Variants in CRPPA observed in about 807,000 individuals in gnomAD.
The protein encoded by CRPPA is D-ribitol-5-phosphate cytidylyltransferase.
Under a neutral mutation model 52.0 loss-of-function variants are expected in CRPPA, and 43 were observed. That is an observed-to-expected ratio of 0.83 (90% CI 0.65 to 1.07). The LOEUF is 1.07. Among genes scored for constraint, CRPPA ranks in the 50% least tolerant of loss-of-function variants. The probability of loss-of-function intolerance (pLI) is 0.00; values close to 1 mark genes in which losing one functional copy is unlikely to be tolerated. For missense variants in CRPPA, 629 were observed against 551.7 expected (o/e 1.14, Z -1.40); for synonymous variants, 250 against 203.5 (o/e 1.23, Z -1.94).
chr7:16,146,247 C>G (rs1782972876), intron 9 of CRPPA, among the ~76,000 whole-genome samples: 1 of 151,132 alleles, frequency 6.6e-6, no homozygotes, highest in Non-Finnish European at 1.5e-5. Flanking sequence ...TTATATGCAG[C>G]AAAGCTGTCA....
intron 9 of CRPPA, among the ~76,000 whole-genome samples, chr7:16,149,733 C>T (rs1783039107): frequency 6.6e-6 from 1 of 152,138 alleles, no homozygotes; most frequent in Non-Finnish European, 1.5e-5. Flanking sequence ...CGCCTGTAAT[C>T]CCAGCAATTT....
intron 5 of CRPPA, among the ~76,000 whole-genome samples, chr7:16,286,441 CT>C (rs1784450499): frequency 6.6e-6 from 1 of 151,952 alleles, no homozygotes. Flanking sequence ...CTCTGTAGAA[CT>C]TACACGGGCA....
intron 3 of CRPPA, among the ~76,000 whole-genome samples, chr7:16,375,147 G>A (rs1786848484): frequency 6.6e-6 from 1 of 152,146 alleles, no homozygotes; most frequent in Non-Finnish European, 1.5e-5. Context: ...GTTCTACGAT[G>A]ACCATGGATC....
At chr7:16,252,082 C>T (rs535925340) in intron 8 of CRPPA, among the ~76,000 whole-genome samples, 3 of 152,146 alleles carry the variant, frequency 2.0e-5, no homozygotes, top group South Asian at 2.1e-4. Context: ...GATACCAAAA[C>T]CTGACAGAGA....
At chr7:16,330,134 C>T (rs1251408631) in intron 3 of CRPPA, among the ~76,000 whole-genome samples, 1 of 152,128 alleles carries the variant, frequency 6.6e-6, no homozygotes, top group East Asian at 1.9e-4. Context: ...ACAACTACGA[C>T]ATGTTAGAGA....
chr7:16,135,945 T>C (rs188355638), intron 9 of CRPPA, among the ~76,000 whole-genome samples: 120 of 152,318 alleles, frequency 7.9e-4, no homozygotes, highest in South Asian at 1.7e-3. Context: ...TTCCCTTCCA[T>C]GTCCTTGGCA....
At chr7:16,145,459 A>G (rs1250953386) in intron 9 of CRPPA, among the ~76,000 whole-genome samples, 1 of 152,254 alleles carries the variant, frequency 6.6e-6, no homozygotes, top group Non-Finnish European at 1.5e-5. Flanking sequence ...CCATCGAAAG[A>G]AATTAATAAA....
At chr7:16,224,973 T>C (rs1045022584) in intron 8 of CRPPA, among the ~76,000 whole-genome samples, 1 of 152,070 alleles carries the variant, frequency 6.6e-6, no homozygotes, top group East Asian at 1.9e-4. Context: ...TCATGGAAAC[T>C]CAAAGCAAAT....
chr7:16,249,842 C>T (rs1783393118), intron 8 of CRPPA, among the ~76,000 whole-genome samples: 1 of 152,146 alleles, frequency 6.6e-6, no homozygotes, highest in African/African-American at 2.4e-5. Flanking sequence ...GATCACAACT[C>T]CTCGCCAGCA....
chr7:16,353,284 A>G (rs1187972672), intron 3 of CRPPA, among the ~76,000 whole-genome samples: 1 of 152,054 alleles, frequency 6.6e-6, no homozygotes, highest in Admixed American at 6.5e-5. Context: ...GCCCAGGAGT[A>G]GAGGGTGCAG....
At chr7:16,353,134 T>C (rs534676954) in intron 3 of CRPPA, among the ~76,000 whole-genome samples, 3 of 152,092 alleles carry the variant, frequency 2.0e-5, no homozygotes, top group African/African-American at 4.8e-5. Context: ...GCAGAGAGAA[T>C]TGCTTGAGCC....
chr7:16,300,328 C>G (rs1040932643), intron 5 of CRPPA, among the ~76,000 whole-genome samples: 6 of 152,112 alleles, frequency 3.9e-5, no homozygotes, highest in African/African-American at 1.2e-4. Flanking sequence ...AATGCAGGTT[C>G]AGTACATTTT....
chr7:16,361,890 T>C (rs1786456347), intron 3 of CRPPA, among the ~76,000 whole-genome samples: 1 of 152,198 alleles, frequency 6.6e-6, no homozygotes, highest in Admixed American at 6.5e-5. Context: ...AGTCTCGCTC[T>C]ATCGCCCAGG....
Position 16,169,119 on chromosome 7 carries a change from A to G in CRPPA, c.1251+46947T>C, listed in dbSNP as rs183133109. ...TTGAAACATCACACCTGTCTTACAT[A>G]AATAAAAAATATCATGGAAATTACA... On this transcript the variant is annotated intron_variant, in intron 9 of 9. Coordinates refer to ENST00000407010, the MANE Select transcript of CRPPA (RefSeq NM_001101426.4). Among the ~76,000 whole-genome samples, 21 of 152,334 alleles carry G rather than the reference A, an allele frequency of 1.4e-4. 1 individual carries two copies. In the East Asian group the frequency reaches 4.0e-3, roughly 29 times the overall value.
At chr7:16,280,174 C>A (rs564783654) in intron 5 of CRPPA, among the ~76,000 whole-genome samples, 2 of 152,326 alleles carry the variant, frequency 1.3e-5, no homozygotes, top group East Asian at 3.9e-4. Context: ...TGGGTGGGGA[C>A]ACAGCCAAAC....
chr7:16,315,600 G>C (rs1785128022), intron 3 of CRPPA, among the ~76,000 whole-genome samples: 1 of 152,116 alleles, frequency 6.6e-6, no homozygotes, highest in Admixed American at 6.5e-5. Flanking sequence ...CTCGTTAAGA[G>C]CAGAATGCTC....
intron 9 of CRPPA, among the ~76,000 whole-genome samples, chr7:16,144,857 T>A (rs1583387762): frequency 6.6e-6 from 1 of 152,204 alleles, no homozygotes; most frequent in Non-Finnish European, 1.5e-5. Context: ...CGCTGTCAGG[T>A]AAAATACCTG....
chr7:16,397,880 G>A (rs1385379608), intron 2 of CRPPA, among the ~76,000 whole-genome samples: 2 of 152,218 alleles, frequency 1.3e-5, no homozygotes, highest in Non-Finnish European at 2.9e-5. Context: ...TGTAACACGT[G>A]ACCAACGTGT....
chr7:16,375,040 A>C, intron 3 of CRPPA, among the ~76,000 whole-genome samples: 1 of 152,212 alleles, frequency 6.6e-6, no homozygotes, highest in East Asian at 1.9e-4. Context: ...GCAACATTTA[A>C]CAGAATGGCA....
Sources: gnomAD v4.1 joint callset for allele counts (sites outside exome capture counted in the v4.1 genomes callset) on GRCh38, gnomAD v4.1.1 for gene constraint, MANE v1.5 for transcripts, NCBI Gene and HGNC (gene_info 2026-07-23, HGNC 2026-07-21) for gene names.